Variants in MAPKAP1 observed in about 807,000 individuals in gnomAD.
MAPKAP1 encodes MAPK associated protein 1, also known as target of rapamycin complex 2 subunit MAPKAP1.
In MAPKAP1, 20 loss-of-function variants were observed where a neutral mutation model predicts 65.7. The observed-to-expected ratio is 0.30, with a 90% CI of 0.21 to 0.44. The LOEUF is 0.44. MAPKAP1 is among the 20% of genes least tolerant of loss of function. MAPKAP1 has a pLI of 1.00. For synonymous variants in MAPKAP1, 222 were observed against 244.3 expected (o/e 0.91, Z 0.85); for missense variants, 423 against 648.0 (o/e 0.65, Z 3.77).
chr9:125,623,806 G>T (rs1832992898), intron 4 of MAPKAP1, among the ~76,000 whole-genome samples: 1 of 42,814 alleles, frequency 2.3e-5, no homozygotes, highest in African/African-American at 5.7e-5. Context: ...GGAGGGAGGT[G>T]GGGGGGTCAG....
chr9:125,614,447 A>C (rs977887002), intron 4 of MAPKAP1, among the ~76,000 whole-genome samples: 4 of 152,134 alleles, frequency 2.6e-5, no homozygotes, highest in Admixed American at 1.3e-4. Context: ...AACATGGTGA[A>C]ACCCTGTCTC....
chr9:125,626,522 A>G lies in MAPKAP1; in HGVS notation c.498+31129T>C, dbSNP rs1833124235. Among the ~76,000 whole-genome samples, 4 of 152,254 alleles carry G rather than the reference A, an allele frequency of 2.6e-5. No homozygotes were observed. In the South Asian group the frequency reaches 8.3e-4, roughly 32 times the overall value. ...ATTTGGCTATTTAAATTTAAATTAA[A>G]TAAGATTAAAAACACAATTCCATCA... On this transcript the variant is annotated intron_variant, in intron 4 of 11. Coordinates refer to ENST00000265960, the MANE Select transcript of MAPKAP1 (RefSeq NM_001006617.3).
intron 6 of MAPKAP1, among the ~76,000 whole-genome samples, chr9:125,553,145 TC>T (rs1466944570): frequency 6.6e-6 from 1 of 152,024 alleles, no homozygotes; most frequent in African/African-American, 2.4e-5. Context: ...TCTTCCATGT[TC>T]CCCATTTTCC....
chr9:125,503,503 G>A (rs1476185414), intron 8 of MAPKAP1, among the ~76,000 whole-genome samples: 2 of 152,128 alleles, frequency 1.3e-5, no homozygotes, highest in African/African-American at 4.8e-5. Context: ...TGTTTAATCA[G>A]CTTTTTAAGT....
chr9:125,633,877 T>C (rs1833354883), intron 4 of MAPKAP1, among the ~76,000 whole-genome samples: 1 of 152,250 alleles, frequency 6.6e-6, no homozygotes, highest in Non-Finnish European at 1.5e-5. Context: ...ACTTTCTATT[T>C]AGCAATTTAA....
chr9:125,618,604 G>A (rs1832810921), intron 4 of MAPKAP1, among the ~76,000 whole-genome samples: 1 of 151,976 alleles, frequency 6.6e-6, no homozygotes, highest in South Asian at 2.1e-4. Context: ...TTTCAGAATG[G>A]AAGAAAAAAG....
chr9:125,624,468 C>T (rs1833028192), intron 4 of MAPKAP1, among the ~76,000 whole-genome samples: 1 of 112,132 alleles, frequency 8.9e-6, no homozygotes, highest in Non-Finnish European at 1.9e-5. Flanking sequence ...CCAGCCGCCC[C>T]GTCCGGGAGG....
intron 4 of MAPKAP1, among the ~76,000 whole-genome samples, chr9:125,615,038 A>C (rs951415829): frequency 6.6e-6 from 1 of 152,232 alleles, no homozygotes; most frequent in African/African-American, 2.4e-5. Flanking sequence ...TGGAAGTTAT[A>C]GGAGTTTATT....
chr9:125,651,240 T>A (rs776029375), intron 4 of MAPKAP1, among the ~76,000 whole-genome samples: 1 of 152,238 alleles, frequency 6.6e-6, no homozygotes, highest in African/African-American at 2.4e-5. Context: ...AAAGGAAGAC[T>A]AGCAAAATAC....
intron 6 of MAPKAP1, among the ~76,000 whole-genome samples, chr9:125,554,559 GA>G (rs1830680866): frequency 1.3e-5 from 2 of 152,150 alleles, no homozygotes; most frequent in Admixed American, 1.3e-4. Flanking sequence ...AACACTTTGG[GA>G]GGCCGAGGCA....
At chr9:125,578,140 C>CT (rs1831504211) in intron 5 of MAPKAP1, among the ~76,000 whole-genome samples, 2 of 152,222 alleles carry the variant, frequency 1.3e-5, no homozygotes, top group Non-Finnish European at 2.9e-5. Flanking sequence ...ACCCCCAACC[C>CT]GGTGCTCTCT....
intron 4 of MAPKAP1, among the ~76,000 whole-genome samples, chr9:125,587,012 T>C (rs1831808859): frequency 1.3e-5 from 2 of 152,220 alleles, no homozygotes; most frequent in South Asian, 4.1e-4. Context: ...ATGGGGAACG[T>C]ACAGTCTTTT....
At chr9:125,603,766 T>C (rs1029050015) in intron 4 of MAPKAP1, among the ~76,000 whole-genome samples, 7 of 151,988 alleles carry the variant, frequency 4.6e-5, no homozygotes, top group African/African-American at 1.7e-4. Context: ...GCTAGGTCAG[T>C]TCCCCTGCTG....
intron 6 of MAPKAP1, among the ~76,000 whole-genome samples, chr9:125,556,324 T>C (rs1370411048): frequency 6.6e-6 from 1 of 152,238 alleles, no homozygotes; most frequent in Admixed American, 6.5e-5. Flanking sequence ...TAGCAGTGGC[T>C]GAATGTCAGC....
chr9:125,502,139 T>C (rs947964422), intron 8 of MAPKAP1, among the ~76,000 whole-genome samples: 4 of 152,006 alleles, frequency 2.6e-5, no homozygotes, highest in Non-Finnish European at 5.9e-5. Context: ...TCTCACTCTG[T>C]TGCCCAGGCT....
At chr9:125,649,020 T>C (rs1481809338) in intron 4 of MAPKAP1, among the ~76,000 whole-genome samples, 1 of 152,154 alleles carries the variant, frequency 6.6e-6, no homozygotes, top group Non-Finnish European at 1.5e-5. Flanking sequence ...AGGTGGAGCC[T>C]AGGCTGTCAT....
At chr9:125,492,341 A>T (rs1854767719) in intron 8 of MAPKAP1, among the ~76,000 whole-genome samples, 1 of 152,230 alleles carries the variant, frequency 6.6e-6, no homozygotes, top group African/African-American at 2.4e-5. Context: ...ATTGCCCCTG[A>T]TATCTATTTG....
intron 1 of MAPKAP1, among the ~76,000 whole-genome samples, chr9:125,705,063 T>C (rs1835716892): frequency 6.6e-6 from 1 of 152,230 alleles, no homozygotes; most frequent in African/African-American, 2.4e-5. Flanking sequence ...CTAACTAACC[T>C]ACCTGCCATC....
chr9:125,652,281 A>C (rs959394479), intron 4 of MAPKAP1: 2 of 1,211,266 alleles, frequency 1.7e-6, no homozygotes, highest in African/African-American at 3.1e-5. Context: ...AGCATGCAAA[A>C]ATGTATTTAA....
Sources: allele counts gnomAD v4.1 joint callset (sites outside exome capture counted in the v4.1 genomes callset), GRCh38; gene constraint gnomAD v4.1.1; transcripts MANE v1.5; gene names NCBI Gene and HGNC (gene_info 2026-07-23, HGNC 2026-07-21).